Variants in SMG6 observed in about 807,000 individuals in gnomAD.
The protein encoded by SMG6 is SMG6 nonsense mediated mRNA decay factor.
In SMG6, 66 loss-of-function variants were observed where a neutral mutation model predicts 142.2. That is an observed-to-expected ratio of 0.46 (90% CI 0.38 to 0.57). The LOEUF is 0.57. Among genes scored for constraint, SMG6 ranks in the 20% least tolerant of loss-of-function variants. The pLI is 0.00. For synonymous variants in SMG6, 779 were observed against 702.4 expected, an observed-to-expected ratio of 1.11 and a Z score of -1.72; for missense variants, 1,793 against 1,832.0, an observed-to-expected ratio of 0.98 and a Z score of 0.39.
intron 10 of SMG6, among the ~76,000 whole-genome samples, chr17:2,196,067 G>T (rs1174219396): frequency 6.6e-6 from 1 of 152,158 alleles, no homozygotes; most frequent in Non-Finnish European, 1.5e-5. Flanking sequence ...GAAATATTCA[G>T]GTATAAGTCT....
Position 2,116,037 on chromosome 17 carries a change from CACTA to C in SMG6, c.3358-30140_3358-30137del, listed in dbSNP as rs143419902. 4.1e-3 allele frequency among the ~76,000 whole-genome samples: 620 copies of C among 152,218 alleles called. 3 individuals are homozygous for C. The highest frequency in any genetic ancestry group is 0.014 in the African/African-American group (565 of 41,534). On this transcript the variant is annotated intron_variant, in intron 13 of 18. Transcript: ENST00000263073. ...TCTTAAATAAGACACAAAAAGCACT[CACTA>C]ACTTTTAATAAAAATATATCTATTT... is the stretch of plus-strand genomic sequence containing the variant.
rs1032938926 is a variant in SMG6, at chr17:2,196,992, A to G, written c.2870-8477T>C. On this transcript the variant is annotated intron_variant, in intron 10 of 18. Coordinates refer to ENST00000263073, the MANE Select transcript of SMG6 (RefSeq NM_017575.5). ...TTCACACTTATACAAAAATTATCTC[A>G]TAATAGATCGAAGACTTATATATAA... 2.0e-5 allele frequency among the ~76,000 whole-genome samples: 3 copies of G among 152,252 alleles called. No individual in the cohort carries two copies. In the East Asian group the frequency reaches 5.8e-4, roughly 29 times the overall value.
intron 13 of SMG6, among the ~76,000 whole-genome samples, chr17:2,111,840 G>C (rs564772422): frequency 5.3e-4 from 81 of 152,250 alleles, no homozygotes; most frequent in African/African-American, 1.9e-3. Flanking sequence ...TGAGAGGAGA[G>C]GCCTTTGAGA....
intron 14 of SMG6, among the ~76,000 whole-genome samples, chr17:2,083,293 A>T (rs1029815948): frequency 2.6e-4 from 39 of 152,162 alleles, no homozygotes; most frequent in African/African-American, 8.4e-4. Context: ...ACTGAAAGGG[A>T]TTACTCAGGT....
At chr17:2,165,612 ACT>A (rs1469160473) in intron 13 of SMG6, among the ~76,000 whole-genome samples, 15 of 152,128 alleles carry the variant, frequency 9.9e-5, no homozygotes, top group African/African-American at 3.4e-4. Flanking sequence ...ATGTGTACAA[ACT>A]CTATACTTGA....
intron 9 of SMG6, chr17:2,237,652 G>C: frequency 1.3e-6 from 1 of 762,410 alleles, no homozygotes; most frequent in South Asian, 6.0e-5. Flanking sequence ...CTGTAACGCA[G>C]GGAGGCAGAA....
At chr17:2,151,254 C>T (rs944908408) in intron 13 of SMG6, among the ~76,000 whole-genome samples, 2 of 152,180 alleles carry the variant, frequency 1.3e-5, no homozygotes, top group African/African-American at 4.8e-5. Flanking sequence ...AGATTTATTG[C>T]AGAACTTTTT....
chr17:2,283,316 A>C (rs1363414552), intron 7 of SMG6, among the ~76,000 whole-genome samples: 1 of 152,280 alleles, frequency 6.6e-6, no homozygotes, highest in East Asian at 1.9e-4. Flanking sequence ...TGTTTCATAT[A>C]GTTATTAATT....
intron 8 of SMG6, chr17:2,256,203 A>C (rs2151323919): frequency 6.6e-6 from 1 of 152,366 alleles, no homozygotes; most frequent in South Asian, 2.1e-4. Flanking sequence ...TAAATAAATA[A>C]GAAGAAAAAA....
intron 10 of SMG6, among the ~76,000 whole-genome samples, chr17:2,200,783 C>T (rs1189895868): frequency 1.3e-5 from 2 of 152,164 alleles, no homozygotes; most frequent in Non-Finnish European, 1.5e-5. Context: ...AATCATAGCT[C>T]ACTGTAGCCT....
At chr17:2,115,695 T>C (rs372604919) in intron 13 of SMG6, among the ~76,000 whole-genome samples, 1 of 152,118 alleles carries the variant, frequency 6.6e-6, no homozygotes, top group African/African-American at 2.4e-5. Flanking sequence ...TCCAATATGT[T>C]GCACTTGGAA....
chr17:2,206,853 A>G (rs1209903703), intron 10 of SMG6, among the ~76,000 whole-genome samples: 1 of 152,072 alleles, frequency 6.6e-6, no homozygotes, highest in Admixed American at 6.6e-5. Context: ...GTGCCAGTAC[A>G]CTCCAGCCTG....
intron 10 of SMG6, among the ~76,000 whole-genome samples, chr17:2,213,487 C>G (rs2072923918): frequency 6.6e-6 from 1 of 152,146 alleles, no homozygotes; most frequent in Admixed American, 6.5e-5. Context: ...TGCGAGTTTG[C>G]TGAGTTCCAG....
chr17:2,125,598 T>C (rs1341584152), intron 13 of SMG6, among the ~76,000 whole-genome samples: 1 of 152,244 alleles, frequency 6.6e-6, no homozygotes, highest in Non-Finnish European at 1.5e-5. Flanking sequence ...ACAGATTCAA[T>C]GCAGTTCCTA....
At chr17:2,142,741 A>G (rs781683383) in intron 13 of SMG6, among the ~76,000 whole-genome samples, 5 of 151,770 alleles carry the variant, frequency 3.3e-5, no homozygotes, top group Admixed American at 6.6e-5. Flanking sequence ...AAAAAAAATT[A>G]GCCAGGCGTG....
chr17:2,114,355 C>T (rs1597406210), intron 13 of SMG6, among the ~76,000 whole-genome samples: 1 of 152,172 alleles, frequency 6.6e-6, no homozygotes. Flanking sequence ...ATATGCTTCT[C>T]TTCTATCCTT....
intron 10 of SMG6, among the ~76,000 whole-genome samples, chr17:2,220,685 T>C (rs1363192826): frequency 6.6e-6 from 1 of 152,236 alleles, no homozygotes; most frequent in Non-Finnish European, 1.5e-5. Context: ...GGTACAAAAG[T>C]AATTGCACTT....
At chr17:2,280,837 C>A (rs1393941776) in intron 8 of SMG6, among the ~76,000 whole-genome samples, 1 of 152,134 alleles carries the variant, frequency 6.6e-6, no homozygotes, top group African/African-American at 2.4e-5. Flanking sequence ...AATCCCAGAT[C>A]TTTGGGAGGC....
At chr17:2,188,790 A>G (rs1198527187) in intron 10 of SMG6, among the ~76,000 whole-genome samples, 1 of 152,196 alleles carries the variant, frequency 6.6e-6, no homozygotes, top group Non-Finnish European at 1.5e-5. Flanking sequence ...TCTGAGCTGG[A>G]GCTGCATGGT....
Sources: gnomAD v4.1 joint callset for allele counts (sites outside exome capture counted in the v4.1 genomes callset) on GRCh38, gnomAD v4.1.1 for gene constraint, MANE v1.5 for transcripts, NCBI Gene and HGNC (gene_info 2026-07-23, HGNC 2026-07-21) for gene names.